Variants in MARCHF1 observed in about 807,000 individuals in gnomAD.
MARCHF1 encodes the protein membrane associated ring-CH-type finger 1, also known as E3 ubiquitin-protein ligase MARCHF1.
MARCHF1 carries 40 observed loss-of-function variants against 54.2 expected under a neutral mutation model. The observed-to-expected ratio is 0.74, with a 90% CI of 0.57 to 0.96. MARCHF1 has a LOEUF of 0.96. MARCHF1 is among the 40% of genes least tolerant of loss of function. The probability of loss-of-function intolerance (pLI) is 0.00; values close to 1 mark genes in which losing one functional copy is unlikely to be tolerated. For missense variants in MARCHF1, 586 were observed against 656.5 expected (o/e 0.89, Z 1.17); for synonymous variants, 236 against 236.3 (o/e 1.00, Z 0.01).
intron 1 of MARCHF1, among the ~76,000 whole-genome samples, chr4:164,140,841 C>T (rs1294161502): frequency 1.3e-5 from 2 of 152,050 alleles, no homozygotes; most frequent in Non-Finnish European, 2.9e-5. Context: ...TACTCTTATC[C>T]ACAAAGTACA....
chr4:164,146,280 T>A (rs1016842418), intron 1 of MARCHF1, among the ~76,000 whole-genome samples: 13 of 148,548 alleles, frequency 8.8e-5, no homozygotes, highest in African/African-American at 3.3e-4. Context: ...GCCATCCCCA[T>A]CAAGCTACCA....
intron 5 of MARCHF1, among the ~76,000 whole-genome samples, chr4:163,618,589 C>A (rs964416345): frequency 6.6e-6 from 1 of 152,160 alleles, no homozygotes; most frequent in Non-Finnish European, 1.5e-5. Flanking sequence ...GCCAAACTAT[C>A]TGCACTCTGC....
At chr4:163,622,240 G>A (rs556865360) in intron 5 of MARCHF1, among the ~76,000 whole-genome samples, 74 of 152,030 alleles carry the variant, frequency 4.9e-4, no homozygotes, top group African/African-American at 1.7e-3. Context: ...GGAAGGCCAG[G>A]GCCTGGCTTG....
At chr4:163,945,489 TG>T (rs1752006347) in intron 3 of MARCHF1, among the ~76,000 whole-genome samples, 1 of 152,192 alleles carries the variant, frequency 6.6e-6, no homozygotes, top group African/African-American at 2.4e-5. Flanking sequence ...TCTAAACTAG[TG>T]TATCCAACAG....
intron 3 of MARCHF1, among the ~76,000 whole-genome samples, chr4:163,945,616 G>T (rs767330156): frequency 2.0e-5 from 3 of 152,112 alleles, no homozygotes; most frequent in Non-Finnish European, 4.4e-5. Context: ...CCATAAACTA[G>T]CTTATTATTA....
chr4:164,352,024 A>C (rs1730357177), intron 1 of MARCHF1, among the ~76,000 whole-genome samples: 1 of 135,130 alleles, frequency 7.4e-6, no homozygotes, highest in South Asian at 2.4e-4. Flanking sequence ...ATGGAAGATG[A>C]AATGAATGAA....
chr4:163,767,436 C>G (rs1747015353), intron 4 of MARCHF1, among the ~76,000 whole-genome samples: 1 of 151,970 alleles, frequency 6.6e-6, no homozygotes, highest in Non-Finnish European at 1.5e-5. Context: ...TGGGTTCACG[C>G]CATTCTCCTG....
chr4:163,719,670 C>T (rs1745381031), intron 4 of MARCHF1, among the ~76,000 whole-genome samples: 1 of 151,602 alleles, frequency 6.6e-6, no homozygotes, highest in African/African-American at 2.4e-5. Flanking sequence ...GTTCCTATTT[C>T]TCCATATCCT....
intron 9 of MARCHF1, among the ~76,000 whole-genome samples, chr4:163,545,358 A>C (rs1280157597): frequency 3.3e-5 from 5 of 152,216 alleles, no homozygotes; most frequent in African/African-American, 1.2e-4. Flanking sequence ...TGTAACTGCC[A>C]CTAAGTTTTA....
intron 2 of MARCHF1, among the ~76,000 whole-genome samples, chr4:164,077,760 G>A (rs1333677900): frequency 6.6e-6 from 1 of 152,180 alleles, no homozygotes; most frequent in Non-Finnish European, 1.5e-5. Context: ...CATTTATGCG[G>A]CAAACAAACA....
Position 163,796,998 on chromosome 4 carries a change from A to T in MARCHF1, c.111+57023T>A, listed in dbSNP as rs1579293982. Among the ~76,000 whole-genome samples, 3 of 152,184 alleles carry T rather than the reference A, an allele frequency of 2.0e-5. No individual in the cohort carries two copies. In the South Asian group the frequency reaches 6.2e-4, roughly 32 times the overall value. On this transcript the variant is annotated intron_variant, in intron 4 of 9. Transcript: ENST00000514618. ...ATTTTTACTAATTTCTTATATCTCA[A>T]ACCTTCTACTTAGAATTAATTTTCA...
At chr4:164,351,066 AC>A (rs1163909283) in intron 1 of MARCHF1, among the ~76,000 whole-genome samples, 2 of 152,144 alleles carry the variant, frequency 1.3e-5, no homozygotes, top group African/African-American at 4.8e-5. Flanking sequence ...AGCTTAAAAA[AC>A]GGCGCACCAC....
intron 4 of MARCHF1, among the ~76,000 whole-genome samples, chr4:163,753,995 G>A (rs577639851): frequency 6.6e-6 from 1 of 152,276 alleles, no homozygotes; most frequent in Non-Finnish European, 1.5e-5. Context: ...AAATGTTTCA[G>A]TTCAGTAAGA....
intron 4 of MARCHF1, among the ~76,000 whole-genome samples, chr4:163,845,366 C>T (rs1362130323): frequency 6.6e-6 from 1 of 151,522 alleles, no homozygotes; most frequent in Non-Finnish European, 1.5e-5. Flanking sequence ...TCCATTTTTA[C>T]AAAACATAAA....
intron 2 of MARCHF1, among the ~76,000 whole-genome samples, chr4:164,011,802 G>A (rs1753426356): frequency 2.0e-5 from 3 of 152,138 alleles, no homozygotes; most frequent in Non-Finnish European, 4.4e-5. Context: ...ACATAATATC[G>A]AGGAAAGAGG....
chr4:163,706,747 G>C (rs928923341), intron 4 of MARCHF1, among the ~76,000 whole-genome samples: 3 of 151,670 alleles, frequency 2.0e-5, no homozygotes, highest in African/African-American at 7.3e-5. Context: ...AAAGGAGGTA[G>C]ATAAAATGAT....
At chr4:164,255,345 C>T (rs573742391) in intron 1 of MARCHF1, among the ~76,000 whole-genome samples, 4 of 145,324 alleles carry the variant, frequency 2.8e-5, no homozygotes, top group African/African-American at 5.1e-5. Context: ...AACTGCCACA[C>T]CAGTGAAGGG....
intron 5 of MARCHF1, among the ~76,000 whole-genome samples, chr4:163,639,483 T>C (rs1742477102): frequency 6.6e-6 from 1 of 152,202 alleles, no homozygotes; most frequent in Non-Finnish European, 1.5e-5. Flanking sequence ...CCAACACATG[T>C]TCTTTATTAT....
intron 5 of MARCHF1, among the ~76,000 whole-genome samples, chr4:163,677,822 C>A (rs926223119): frequency 6.6e-6 from 1 of 152,182 alleles, no homozygotes; most frequent in South Asian, 2.1e-4. Context: ...AATTAGGCAG[C>A]ATGGCAGAGG....
Sources: gnomAD v4.1 joint callset for allele counts (sites outside exome capture counted in the v4.1 genomes callset) on GRCh38, gnomAD v4.1.1 for gene constraint, MANE v1.5 for transcripts, NCBI Gene and HGNC (gene_info 2026-07-23, HGNC 2026-07-21) for gene names.